MYZAP: variants seen among roughly 807,000 people sequenced by gnomAD.
MYZAP encodes the protein myocardial zonula adherens protein.
In MYZAP, 66 loss-of-function variants were observed where a neutral mutation model predicts 69.4. The ratio of observed to expected loss-of-function variants is 0.95; its 90% CI spans 0.78 to 1.17. The LOEUF is 1.17. Among genes scored for constraint, MYZAP ranks in the 50% most tolerant of loss-of-function variants. The pLI is 0.00. For missense variants in MYZAP, 611 were observed against 556.2 expected (o/e 1.10, Z -0.99); for synonymous variants, 256 against 205.9 (o/e 1.24, Z -2.09).
chr15:57,601,030 T>G (rs543144314), intron 1 of MYZAP, among the ~76,000 whole-genome samples: 17 of 152,238 alleles, frequency 1.1e-4, no homozygotes, highest in African/African-American at 4.1e-4. Context: ...GTGCTATGAT[T>G]ACACCACTGC....
Position 57,648,250 on chromosome 15 carries a change from T to C in MYZAP, c.1119+8705T>C, listed in dbSNP as rs531570303. On this transcript the variant is annotated intron_variant, in intron 10 of 12. Coordinates refer to ENST00000267853, the MANE Select transcript of MYZAP (RefSeq NM_001018100.5). Reference sequence around the variant, plus strand: ...AAAAGCAGGTTCATTCTATGACAGGTATTGGTTTCGGTATTCACAATATAA... The same window carrying C: ...AAAAGCAGGTTCATTCTATGACAGGCATTGGTTTCGGTATTCACAATATAA... The C allele has an allele frequency of 4.3e-3, 4,195 of 985,344 alleles. 19 individuals carry two copies. The highest frequency in any genetic ancestry group is 4.4e-3 in the Non-Finnish European group (3,666 of 829,842). The allele number at this position is 985,344 out of a possible 1,614,324, so 61.0% of individuals were successfully genotyped here.
chr15:57,609,971 C>T (rs1595862235), intron 2 of MYZAP, among the ~76,000 whole-genome samples: 3 of 152,316 alleles, frequency 2.0e-5, no homozygotes, highest in Admixed American at 6.5e-5. Flanking sequence ...ACAGAACCCA[C>T]ACCAGCTATT....
intron 4 of MYZAP, 105 bp from the exon 5 acceptor site, chr15:57,625,674 T>C: frequency 1.0e-6 from 1 of 958,172 alleles, no homozygotes; most frequent in South Asian, 1.4e-5. Context: ...TTAGATATTG[T>C]TGAAGTAGAT....
chr15:57,618,354 G>C (rs1174964755), intron 3 of MYZAP, among the ~76,000 whole-genome samples, 166 bp downstream of exon 3: 1 of 152,228 alleles, frequency 6.6e-6, no homozygotes, highest in Non-Finnish European at 1.5e-5. Context: ...TAATGTTAAA[G>C]TACAGATGTA....
Position 57,618,087 on chromosome 15 carries a change from TA to T in MYZAP, c.218del (p.Tyr73LeufsTer25). 6.2e-7 allele frequency: 1 copy of T among 1,614,206 alleles called. No homozygotes were observed. Among genetic ancestry groups the T allele is most frequent in the Non-Finnish European group, 8.5e-7 (1 of 1,180,034 alleles). ...PTRKLPQGVV[Y>X]GVVRRSDQNQ... is the part of the protein sequence containing the mutation. ...CAGGAAACTTCCTCAGGGTGTTGTTTATGGTGTGGTGCGAAGATCAGATCAA... is the reference window on the plus strand; with the variant it reads ...CAGGAAACTTCCTCAGGGTGTTGTTTTGGTGTGGTGCGAAGATCAGATCAA... On this transcript the variant is annotated frameshift_variant, in exon 3 of 13. Coordinates refer to ENST00000267853, the MANE Select transcript of MYZAP (RefSeq NM_001018100.5). LOFTEE classifies it high-confidence loss of function.
chr15:57,594,189 C>T (rs193151782), intron 1 of MYZAP, among the ~76,000 whole-genome samples: 6 of 152,352 alleles, frequency 3.9e-5, no homozygotes, highest in African/African-American at 1.2e-4. Flanking sequence ...GATCTCGGCT[C>T]ACTGCAGCCT....
chr15:57,599,342 G>A (rs967354253), intron 1 of MYZAP: 2 of 570,710 alleles, frequency 3.5e-6, no homozygotes, highest in Non-Finnish European at 4.6e-6. Flanking sequence ...TGTACTCCTT[G>A]GAGGCCAGCA....
intron 11 of MYZAP, among the ~76,000 whole-genome samples, chr15:57,668,704 G>C (rs1365249726): frequency 2.0e-5 from 3 of 151,862 alleles, no homozygotes; most frequent in African/African-American, 7.3e-5. Context: ...TGAAGTGTCT[G>C]TTCCAATCTT....
chr15:57,601,041 A>C (rs531769802), intron 1 of MYZAP, among the ~76,000 whole-genome samples: 2 of 152,274 alleles, frequency 1.3e-5, no homozygotes, highest in East Asian at 1.9e-4. Flanking sequence ...ACACCACTGC[A>C]CTCCAGCCTG....
intron 1 of MYZAP, among the ~76,000 whole-genome samples, chr15:57,599,224 A>G (rs540692672): frequency 1.3e-5 from 2 of 152,214 alleles, no homozygotes; most frequent in Non-Finnish European, 2.9e-5. Flanking sequence ...GAAGCCAGGA[A>G]GTACATTTCC....
At chr15:57,646,474 G>C in intron 10 of MYZAP, 1 of 1,027,658 alleles carries the variant, frequency 9.7e-7, no homozygotes, top group Non-Finnish European at 1.2e-6. Context: ...CATTGAAGAA[G>C]GAACTGCAAT....
chr15:57,642,347 A>C (rs1352418392), intron 10 of MYZAP, among the ~76,000 whole-genome samples: 7 of 152,238 alleles, frequency 4.6e-5, no homozygotes, highest in Admixed American at 3.3e-4. Flanking sequence ...AGTCGTAACT[A>C]AATCACTTCA....
At chr15:57,633,338 T>C (rs1350415873) in intron 7 of MYZAP, among the ~76,000 whole-genome samples, 1 of 152,190 alleles carries the variant, frequency 6.6e-6, no homozygotes, top group African/African-American at 2.4e-5. Flanking sequence ...TATTAAACAT[T>C]TGTAGGCCTC....
rs778919534 is a variant in MYZAP at position 57,621,626 on chromosome 15, A to C, written c.337A>C (p.Lys113Gln). 9.9e-6 allele frequency: 16 copies of C among 1,613,780 alleles called. No individual in the cohort carries two copies. The highest frequency in any genetic ancestry group is 1.4e-5 in the Non-Finnish European group (16 of 1,179,762). ...GCTACAGGTGAGAGCCACTTTGGAAAAGGTGAGAAAGCGAATGTATGGAGA... is the reference window on the plus strand; with the variant it reads ...GCTACAGGTGAGAGCCACTTTGGAACAGGTGAGAAAGCGAATGTATGGAGA... Reference protein sequence around the residue: ...YIKDVRATLEKVRKRMYGDYD... With the variant: ...YIKDVRATLEQVRKRMYGDYD... The change falls in exon 4 of 13, where the codon AAG becomes CAG. Residue 113 changes from lysine (K) to glutamine (Q), a missense_variant. Lys to Gln is a moderately conservative substitution (Grantham distance 53). Transcript: ENST00000267853.
At chr15:57,630,052 T>G (rs1163515650) in intron 6 of MYZAP, among the ~76,000 whole-genome samples, 198 bp downstream of exon 6, 1 of 149,010 alleles carries the variant, frequency 6.7e-6, no homozygotes, top group African/African-American at 2.5e-5. Context: ...CACTGCAACC[T>G]CCGCCTCCTG....
chr15:57,649,127 TA>T (rs2037599195), intron 10 of MYZAP, among the ~76,000 whole-genome samples: 1 of 152,216 alleles, frequency 6.6e-6, no homozygotes, highest in African/African-American at 2.4e-5. Context: ...TTTATTTGAA[TA>T]TATTGTAACT....
At chr15:57,660,262 T>C (rs1375725238) in intron 10 of MYZAP, among the ~76,000 whole-genome samples, 1 of 152,214 alleles carries the variant, frequency 6.6e-6, no homozygotes, top group African/African-American at 2.4e-5. Context: ...TTTTTCTAGA[T>C]ACTGCTATAT....
chr15:57,611,487 A>G (rs1026892911), intron 2 of MYZAP, among the ~76,000 whole-genome samples: 6 of 152,122 alleles, frequency 3.9e-5, no homozygotes, highest in Non-Finnish European at 7.4e-5. Context: ...GGCCTAAGCA[A>G]CTATTGTCTG....
At chr15:57,641,479 C>A (rs1470260599) in intron 10 of MYZAP, among the ~76,000 whole-genome samples, 1 of 152,098 alleles carries the variant, frequency 6.6e-6, no homozygotes, top group African/African-American at 2.4e-5. Context: ...TTGCTTTTTT[C>A]TACCTGTGAT....
Sources: allele counts gnomAD v4.1 joint callset (sites outside exome capture counted in the v4.1 genomes callset), GRCh38; gene constraint gnomAD v4.1.1; transcripts MANE v1.5; gene names NCBI Gene and HGNC (gene_info 2026-07-23, HGNC 2026-07-21).